The following DOK5 variants were observed in gnomAD, a reference collection of about 807,000 sequenced individuals.
The protein encoded by DOK5 is downstream of tyrosine kinase 5.
DOK5 carries 27 observed loss-of-function variants against 43.3 expected under a neutral mutation model. The observed-to-expected ratio is 0.62, with a 90% CI of 0.46 to 0.86. The LOEUF (loss-of-function observed/expected upper bound fraction) is 0.86. Ranked by LOEUF, DOK5 falls within the 40% of genes least tolerant of loss-of-function variation. The pLI is 0.00. For missense variants in DOK5, 373 were observed against 392.9 expected, an observed-to-expected ratio of 0.95 and a Z score of 0.43; for synonymous variants, 146 against 140.1, an observed-to-expected ratio of 1.04 and a Z score of -0.30.
At chr20:54,635,888 G>T (rs954799815) in intron 6 of DOK5, among the ~76,000 whole-genome samples, 1 of 152,164 alleles carries the variant, frequency 6.6e-6, no homozygotes, top group African/African-American at 2.4e-5. Flanking sequence ...TATTTTTACG[G>T]CTATAACAGA....
At chr20:54,603,937 T>C (rs927106033) in intron 5 of DOK5, among the ~76,000 whole-genome samples, 31 of 140,552 alleles carry the variant, frequency 2.2e-4, no homozygotes, top group African/African-American at 9.0e-4. Context: ...TTGTTCAAAC[T>C]GTATTTTTTT....
intron 5 of DOK5, among the ~76,000 whole-genome samples, chr20:54,595,066 G>A (rs1293661775): frequency 6.6e-6 from 1 of 152,196 alleles, no homozygotes; most frequent in Non-Finnish European, 1.5e-5. Flanking sequence ...AAAGGGCTGG[G>A]CGTGGTGGCT....
At chr20:54,514,586 CTTTTTTTTTT>C (rs199776939) in intron 1 of DOK5, among the ~76,000 whole-genome samples, 6 of 100,930 alleles carry the variant, frequency 5.9e-5, no homozygotes, top group Admixed American at 2.0e-4. Flanking sequence ...AAGTTTTACT[CTTTTTTTTTT>C]TTTTTTTTTT....
intron 6 of DOK5, among the ~76,000 whole-genome samples, chr20:54,617,446 C>G (rs1402683211): frequency 2.6e-5 from 4 of 152,056 alleles, no homozygotes; most frequent in Non-Finnish European, 5.9e-5. Flanking sequence ...TCCTGAGTAT[C>G]TAGGACTACT....
At chr20:54,639,057 G>C (rs190062389) in intron 6 of DOK5, among the ~76,000 whole-genome samples, 2 of 152,264 alleles carry the variant, frequency 1.3e-5, no homozygotes, top group Non-Finnish European at 2.9e-5. Context: ...AGGTTGTGTT[G>C]GTTCCTAAGC....
chr20:54,615,899 C>CAAA (rs71196458), intron 6 of DOK5, among the ~76,000 whole-genome samples: 1 of 144,802 alleles, frequency 6.9e-6, no homozygotes. Context: ...GACTCCATCT[C>CAAA]AAAAAAAAAA....
At chr20:54,628,371 T>C (rs1418740704) in intron 6 of DOK5, among the ~76,000 whole-genome samples, 1 of 114,842 alleles carries the variant, frequency 8.7e-6, no homozygotes. Context: ...ATCGCGCCAC[T>C]GCACTCCAGC....
At chr20:54,507,209 G>A (rs1381416860) in intron 1 of DOK5, among the ~76,000 whole-genome samples, 1 of 152,068 alleles carries the variant, frequency 6.6e-6, no homozygotes, top group Non-Finnish European at 1.5e-5. Flanking sequence ...GGGACTGAGT[G>A]GGGATAAATA....
chr20:54,634,332 A>T lies in DOK5; in HGVS notation c.736-9126A>T, dbSNP rs147603859. Among the ~76,000 whole-genome samples, 48 of 145,310 alleles carry T rather than the reference A, an allele frequency of 3.3e-4. 1 individual carries two copies. In the East Asian group the frequency reaches 9.3e-3, roughly 28 times the overall value. The stretch of plus-strand genomic sequence containing the variant: ...ATGACGGCAGGGTGGGGGCGGGGGC[A>T]GGGGACCATGCTTCAGCCAGTTGTC... On this transcript the variant is annotated intron_variant, in intron 6 of 7. Transcript: ENST00000262593.
chr20:54,536,594 C>T (rs977742127), intron 1 of DOK5, among the ~76,000 whole-genome samples: 2 of 152,138 alleles, frequency 1.3e-5, no homozygotes, highest in African/African-American at 2.4e-5. Flanking sequence ...GCCAACAACC[C>T]AGAAACCCCA....
chr20:54,481,817 T>C (rs952629497), intron 1 of DOK5, among the ~76,000 whole-genome samples: 1 of 152,238 alleles, frequency 6.6e-6, no homozygotes, highest in African/African-American at 2.4e-5. Context: ...AGTTATTTAA[T>C]ATTTATAAGC....
chr20:54,543,116 GATA>G (rs1163516724), intron 1 of DOK5, among the ~76,000 whole-genome samples: 3 of 152,132 alleles, frequency 2.0e-5, no homozygotes, highest in Admixed American at 2.0e-4. Context: ...TGTGTTAAAA[GATA>G]ATTTTCAAAA....
intron 1 of DOK5, among the ~76,000 whole-genome samples, chr20:54,545,583 T>C (rs1290095289): frequency 6.6e-6 from 1 of 152,174 alleles, no homozygotes; most frequent in Non-Finnish European, 1.5e-5. Flanking sequence ...CAAGAAGAGT[T>C]GAGAAGTTGT....
At chr20:54,533,673 C>T (rs1983857085) in intron 1 of DOK5, among the ~76,000 whole-genome samples, 1 of 152,106 alleles carries the variant, frequency 6.6e-6, no homozygotes, top group Non-Finnish European at 1.5e-5. Context: ...TTACTCAAAG[C>T]AGAATGACAG....
chr20:54,608,667 CTTTTT>C (rs11353769), intron 5 of DOK5, among the ~76,000 whole-genome samples: 1 of 134,328 alleles, frequency 7.4e-6, no homozygotes. Context: ...TCTTCTTCTT[CTTTTT>C]TTTTTTTTTT....
chr20:54,607,936 A>T (rs781553597), intron 5 of DOK5, among the ~76,000 whole-genome samples: 6 of 151,360 alleles, frequency 4.0e-5, no homozygotes, highest in Non-Finnish European at 7.4e-5. Flanking sequence ...CAAAGTGGGC[A>T]TTGGGTAAGA....
intron 1 of DOK5, among the ~76,000 whole-genome samples, chr20:54,509,784 AT>A (rs1982949604): frequency 1.3e-5 from 2 of 152,172 alleles, no homozygotes; most frequent in South Asian, 4.1e-4. Context: ...GAGAAATTTC[AT>A]TCTAGGACAG....
chr20:54,548,405 TA>T (rs1984417396), intron 1 of DOK5, among the ~76,000 whole-genome samples: 2 of 151,658 alleles, frequency 1.3e-5, no homozygotes, highest in Admixed American at 6.6e-5. Flanking sequence ...CTAATTTTTG[TA>T]TTTTTTTTTT....
chr20:54,501,207 C>T (rs1024544716), intron 1 of DOK5, among the ~76,000 whole-genome samples: 14 of 152,004 alleles, frequency 9.2e-5, no homozygotes, highest in Non-Finnish European at 1.6e-4. Flanking sequence ...GTGGCTCACG[C>T]CTGTAATCCC....
Sources: gnomAD v4.1 joint callset for allele counts (sites outside exome capture counted in the v4.1 genomes callset) on GRCh38, gnomAD v4.1.1 for gene constraint, MANE v1.5 for transcripts, NCBI Gene and HGNC (gene_info 2026-07-23, HGNC 2026-07-21) for gene names.